The following JAKMIP1 variants were observed in gnomAD, a reference collection of about 807,000 sequenced individuals.
JAKMIP1 encodes janus kinase and microtubule interacting protein 1.
In JAKMIP1, 33 loss-of-function variants were observed where a neutral mutation model predicts 113.0. The ratio of observed to expected loss-of-function variants is 0.29; its 90% confidence interval spans 0.22 to 0.39. The LOEUF (loss-of-function observed/expected upper bound fraction) is 0.39. JAKMIP1 is among the 10% of genes least tolerant of loss of function. JAKMIP1 has a pLI of 1.00. For synonymous variants in JAKMIP1, 480 were observed against 459.9 expected, an observed-to-expected ratio of 1.04 and a Z score of -0.56; for missense variants, 813 against 1,080.5, an observed-to-expected ratio of 0.75 and a Z score of 3.47.
At chr4:6,110,161 T>C (rs1310933580) in intron 2 of JAKMIP1, among the ~76,000 whole-genome samples, 1 of 152,166 alleles carries the variant, frequency 6.6e-6, no homozygotes, top group African/African-American at 2.4e-5. Context: ...CCCCATGACC[T>C]CAGGATGTGA....
At chr4:6,134,985 C>T (rs936681726) in intron 1 of JAKMIP1, among the ~76,000 whole-genome samples, 2 of 152,204 alleles carry the variant, frequency 1.3e-5, no homozygotes, top group African/African-American at 4.8e-5. Context: ...CACAAGACAG[C>T]GTCTGGGCTC....
In JAKMIP1 at chr4:6,185,443, C is replaced by T. The variant is rs1166666566; in HGVS notation, c.-148+14810G>A. 2.6e-5 allele frequency among the ~76,000 whole-genome samples: 4 copies of T among 151,966 alleles called. No individual in the cohort carries two copies. The highest frequency in any genetic ancestry group is 7.3e-5 in the African/African-American group (3 of 41,364). ...TGGGCGGATCATGAGGTCAGGAGAT[C>T]GAGACCATCCTGGCTAACACAGTGA... On this transcript the variant is annotated intron_variant, in intron 1 of 20. Coordinates refer to ENST00000409021, the MANE Select transcript of JAKMIP1 (RefSeq NM_001099433.2). The surrounding 1 kb of genome is among the most constrained non-coding windows in gnomAD (Gnocchi z 5.3).
chr4:6,054,154 G>A lies in JAKMIP1; in HGVS notation c.1708-6C>T, dbSNP rs755741001. On this transcript the variant is annotated splice_region_variant and splice_polypyrimidine_tract_variant and intron_variant, in intron 12 of 20. Transcript: ENST00000409021. Reference sequence around the variant, plus strand: ...TCCATTTCCAGTCTGTAAATCTAGAGCAAAGATACCTGCGGATTAACAGGA... The same window carrying A: ...TCCATTTCCAGTCTGTAAATCTAGAACAAAGATACCTGCGGATTAACAGGA... 2 of 1,614,082 alleles carry A rather than the reference G, an allele frequency of 1.2e-6. No individual in the cohort carries two copies. Among genetic ancestry groups the A allele is most frequent in the South Asian group, 2.2e-5 (2 of 91,058 alleles).
intron 1 of JAKMIP1, among the ~76,000 whole-genome samples, chr4:6,166,128 T>C (rs1490222389): frequency 6.6e-6 from 1 of 152,210 alleles, no homozygotes; most frequent in Non-Finnish European, 1.5e-5. Flanking sequence ...AAGTTCTCTA[T>C]CACATCTTCT....
In JAKMIP1 at chr4:6,059,269, G is replaced by T. The variant is rs991957768; in HGVS notation, c.1644+1155C>A. ...TGCTCTGTGCCAGGCATGCATGCTGGTCGCTGGCCGTCCGCCTCCATGGGA... is the reference window on the plus strand; with the variant it reads ...TGCTCTGTGCCAGGCATGCATGCTGTTCGCTGGCCGTCCGCCTCCATGGGA... On this transcript the variant is annotated intron_variant, in intron 11 of 20. Transcript: ENST00000409021. The surrounding 1 kb of genome is among the most constrained non-coding windows in gnomAD (Gnocchi z 4.8). Among the ~76,000 whole-genome samples the T allele has an allele frequency of 4.6e-5, 7 of 152,176 alleles. No individual in the cohort carries two copies. Among genetic ancestry groups the T allele is most frequent in the Admixed American group, 4.6e-4 (7 of 15,286 alleles).
intron 1 of JAKMIP1, among the ~76,000 whole-genome samples, chr4:6,169,965 CACCACCACCACCACT>C (rs71173414): frequency 0.067 from 9,321 of 138,096 alleles, 362 homozygotes; most frequent in Middle Eastern, 0.12. Flanking sequence ...CTCTCATCAC[CACCACCACCACCACT>C]ACCACCACCA....
At chr4:6,125,374 G>C (rs572712799) in intron 1 of JAKMIP1, among the ~76,000 whole-genome samples, 26 of 152,168 alleles carry the variant, frequency 1.7e-4, no homozygotes, top group African/African-American at 6.3e-4. Flanking sequence ...GTCCCACCAA[G>C]CTGGGACACA....
intron 1 of JAKMIP1, among the ~76,000 whole-genome samples, chr4:6,118,629 C>G (rs547795973): frequency 6.6e-6 from 1 of 152,226 alleles, no homozygotes; most frequent in East Asian, 1.9e-4. Context: ...GTCTGGCCTT[C>G]TTAGGCCTCC....
At chr4:6,119,085 G>A (rs375654758) in intron 1 of JAKMIP1, among the ~76,000 whole-genome samples, 6 of 152,122 alleles carry the variant, frequency 3.9e-5, no homozygotes, top group African/African-American at 7.2e-5. Context: ...AAGCTGGAGC[G>A]GGGAAGGACT....
rs1022019886 is a variant in JAKMIP1 at position 6,051,348 on chromosome 4, A to T, written c.1807-669T>A. Among the ~76,000 whole-genome samples the T allele has an allele frequency of 1.3e-4, 19 of 151,532 alleles. No homozygotes were observed. Among genetic ancestry groups the T allele is most frequent in the Non-Finnish European group, 2.8e-4 (19 of 67,948 alleles). ...AGTGATTCTCCTGCCTCAGCCTCCC[A>T]AGTAGCTGGGATTACAGGCACGCGC... On this transcript the variant is annotated intron_variant, in intron 13 of 20. Transcript: ENST00000409021. The surrounding 1 kb of genome is among the most constrained non-coding windows in gnomAD (Gnocchi z 5.0).
chr4:6,035,131 TTCTCTTTCTCTCTC>T (rs1713238680), intron 19 of JAKMIP1, among the ~76,000 whole-genome samples: 1 of 151,852 alleles, frequency 6.6e-6, no homozygotes, highest in Non-Finnish European at 1.5e-5. Flanking sequence ...CTCTCTCTCT[TTCTCTTTCTCTCTC>T]TCTCTGCCCG....
Position 6,137,457 on chromosome 4 carries a change from C to T in JAKMIP1, c.-147-24460G>A, listed in dbSNP as rs947287818. On this transcript the variant is annotated intron_variant, in intron 1 of 20. Transcript: ENST00000409021. This position sits in a 1 kb window ranked among gnomAD's most constrained non-coding sequence, Gnocchi z 4.5. Reference sequence around the variant, plus strand: ...ACACCTGATACAGTTCCTGAAAAGTCGTCTCACACCCTGGGTGACAGCAGA... The same window carrying T: ...ACACCTGATACAGTTCCTGAAAAGTTGTCTCACACCCTGGGTGACAGCAGA... Among the ~76,000 whole-genome samples the T allele has an allele frequency of 3.3e-5, 5 of 152,324 alleles. No individual in the cohort carries two copies. The highest frequency in any genetic ancestry group is 2.1e-4 in the South Asian group (1 of 4,820).
chr4:6,040,480 G>T lies in JAKMIP1; in HGVS notation c.2175+159C>A, dbSNP rs1714169797. 6.6e-6 allele frequency among the ~76,000 whole-genome samples: 1 copy of T among 152,242 alleles called. No individual in the cohort carries two copies. The highest frequency in any genetic ancestry group is 2.1e-4 in the South Asian group (1 of 4,832). On this transcript the variant is annotated intron_variant, in intron 18 of 20. Coordinates refer to ENST00000409021, the MANE Select transcript of JAKMIP1 (RefSeq NM_001099433.2). This position sits in a 1 kb window ranked among gnomAD's most constrained non-coding sequence, Gnocchi z 5.8. ...CACGATTGATTTGGAAAAAGGGACA[G>T]TCTGTACGGTCATTCCAGTCACAAG... is the stretch of plus-strand genomic sequence containing the variant.
chr4:6,055,852 A>G (rs1385925574), intron 12 of JAKMIP1, among the ~76,000 whole-genome samples: 1 of 149,722 alleles, frequency 6.7e-6, no homozygotes, highest in Non-Finnish European at 1.5e-5. Flanking sequence ...GTATCCCCAG[A>G]GGTCGGGGCA....
At chr4:6,026,414 A>AAAT in intron 20 of JAKMIP1, 136 bp from the exon 21 acceptor site, 1 of 623,190 alleles carries the variant, frequency 1.6e-6, no homozygotes, top group Non-Finnish European at 2.9e-6. Context: ...TCGGAAAGAG[A>AAAT]AATGGGAAGT....
In JAKMIP1 at chr4:6,142,205, G is replaced by T. The variant is rs1329365365; in HGVS notation, c.-147-29208C>A. On this transcript the variant is annotated intron_variant, in intron 1 of 20. Coordinates refer to ENST00000409021, the MANE Select transcript of JAKMIP1 (RefSeq NM_001099433.2). This position sits in a 1 kb window ranked among gnomAD's most constrained non-coding sequence, Gnocchi z 5.5. The stretch of plus-strand genomic sequence containing the variant: ...CCATCCTGGATTTAGGGACACTTTG[G>T]TTATTTCTGAGGATTTTGTACAGAT... Among the ~76,000 whole-genome samples, 1 of 152,158 alleles carries T rather than the reference G, an allele frequency of 6.6e-6. No homozygotes were observed. Among genetic ancestry groups the T allele is most frequent in the African/African-American group, 2.4e-5 (1 of 41,428 alleles).
chr4:6,046,408 C>T (rs146567710), intron 16 of JAKMIP1, among the ~76,000 whole-genome samples: 33 of 152,356 alleles, frequency 2.2e-4, no homozygotes, highest in East Asian at 3.9e-4. Flanking sequence ...TCCTCAAAGA[C>T]GCGGAGCTGG....
intron 16 of JAKMIP1, among the ~76,000 whole-genome samples, chr4:6,043,395 G>A (rs918582873): frequency 6.6e-5 from 10 of 151,970 alleles, no homozygotes; most frequent in East Asian, 2.0e-4. Context: ...CCCCGCACTC[G>A]TGAGGTCCTG....
At chr4:6,054,653 C>G (rs1716107456) in intron 12 of JAKMIP1, 2 of 436,398 alleles carry the variant, frequency 4.6e-6, no homozygotes, top group African/African-American at 2.0e-5. Context: ...CAGGAGTTCT[C>G]TGAGAGCGCA....
Sources: allele counts gnomAD v4.1 joint callset (sites outside exome capture counted in the v4.1 genomes callset), GRCh38; gene constraint gnomAD v4.1.1; non-coding constraint Gnocchi (gnomAD v3.1); transcripts MANE v1.5; gene names NCBI Gene and HGNC (gene_info 2026-07-23, HGNC 2026-07-21).